STPG1: variants seen among roughly 807,000 people sequenced by gnomAD.
The protein encoded by STPG1 is O(6)-methylguanine-induced apoptosis 2.
In STPG1, 33 loss-of-function variants were observed where a neutral mutation model predicts 40.1. The observed-to-expected ratio is 0.82, with a 90% confidence interval of 0.62 to 1.10. The LOEUF (loss-of-function observed/expected upper bound fraction) is 1.10. Ranked by LOEUF, STPG1 falls within the 50% of genes least tolerant of loss-of-function variation. The pLI, the probability that STPG1 is intolerant of heterozygous loss-of-function variation, is 0.00. For synonymous variants in STPG1, 150 were observed against 155.0 expected, an observed-to-expected ratio of 0.97 and a Z score of 0.24; for missense variants, 396 against 415.1, an observed-to-expected ratio of 0.95 and a Z score of 0.40.
intron 4 of STPG1, among the ~76,000 whole-genome samples, chr1:24,382,752 A>G (rs1642343365): frequency 6.6e-6 from 1 of 152,116 alleles, no homozygotes; most frequent in Non-Finnish European, 1.5e-5. Context: ...ATGTAGCTAC[A>G]TTTAGTGTGT....
intron 2 of STPG1, among the ~76,000 whole-genome samples, chr1:24,398,946 G>A (rs1445513611): frequency 6.6e-6 from 1 of 152,060 alleles, no homozygotes; most frequent in Non-Finnish European, 1.5e-5. Flanking sequence ...AAATTAAAAT[G>A]AGAGTAGAGT....
At chr1:24,406,561 T>C (rs182067514) in intron 1 of STPG1, among the ~76,000 whole-genome samples, 137 of 152,290 alleles carry the variant, frequency 9.0e-4, no homozygotes, top group African/African-American at 3.2e-3. Flanking sequence ...CTTCTGATAA[T>C]GCATTCTCTA....
chr1:24,391,883 C>G (rs773073076), intron 2 of STPG1: 20 of 1,310,140 alleles, frequency 1.5e-5, no homozygotes, highest in Non-Finnish European at 1.8e-5. Flanking sequence ...GACTTCCCCC[C>G]TCCAGCTCTT....
Position 24,391,597 on chromosome 1 carries a change from T to C in STPG1, c.153A>G (p.Gly51=). ...ASVIPESEKK[G]FNSQAKRFPH... ...GAAATCTCTTGGCTTGACTATTGAA[T>C]CCTTTTTTTTCTGATTCTGGGATTA... The change falls in exon 3 of 9, where the codon GGA becomes GGG. Residue 51 remains glycine (G), a synonymous_variant. Transcript: ENST00000337248. The C allele has an allele frequency of 6.5e-7, 1 of 1,547,500 alleles. No individual in the cohort carries two copies. The highest frequency in any genetic ancestry group is 1.2e-5 in the South Asian group (1 of 84,002).
intron 4 of STPG1, among the ~76,000 whole-genome samples, chr1:24,380,953 T>C (rs1284576962): frequency 6.6e-6 from 1 of 152,236 alleles, no homozygotes; most frequent in Non-Finnish European, 1.5e-5. Context: ...CACCCCAGCT[T>C]TGAACGTGCT....
intron 2 of STPG1, among the ~76,000 whole-genome samples, chr1:24,398,048 C>A (rs11589592): frequency 6.6e-6 from 1 of 152,096 alleles, no homozygotes; most frequent in South Asian, 2.1e-4. Context: ...CACATCCCCA[C>A]TATTAGCGTA....
chr1:24,401,514 A>G (rs1282153461), intron 1 of STPG1, 58 bp from the exon 2 acceptor site: 2 of 787,142 alleles, frequency 2.5e-6, no homozygotes, highest in Non-Finnish European at 4.3e-6. Context: ...AATTATTGCA[A>G]ATGGGTTCTG....
intron 4 of STPG1, 68 bp downstream of exon 4, chr1:24,383,834 A>G: frequency 9.9e-7 from 1 of 1,007,050 alleles, no homozygotes; most frequent in Non-Finnish European, 1.6e-6. Flanking sequence ...TGTCCAATAT[A>G]TAATTATGCA....
intron 5 of STPG1, among the ~76,000 whole-genome samples, chr1:24,378,923 C>A (rs1039744872): frequency 2.0e-5 from 3 of 152,148 alleles, no homozygotes; most frequent in African/African-American, 7.2e-5. Context: ...TAAGTAAATA[C>A]CCTTCATGTA....
chr1:24,369,380 C>T (rs759879130), intron 7 of STPG1: 6 of 544,046 alleles, frequency 1.1e-5, no homozygotes, highest in African/African-American at 3.8e-5. Flanking sequence ...GCAAATGTCC[C>T]GCCAAATCCG....
Position 24,360,950 on chromosome 1 carries a change from A to G in STPG1, c.829T>C (p.Tyr277His). ...PGPGQYEIVD[Y>H]LGPRKHFISS... Reference sequence around the variant, plus strand: ...ATGAAATGCTTGCGGGGGCCTAAGTAGTCCACGATCTCATACTGACCAGGA... The same window carrying G: ...ATGAAATGCTTGCGGGGGCCTAAGTGGTCCACGATCTCATACTGACCAGGA... The change falls in exon 8 of 9, where the codon TAC becomes CAC. Residue 277 changes from tyrosine (Y) to histidine (H), a missense_variant. Coordinates refer to ENST00000337248, the MANE Select transcript of STPG1 (RefSeq NM_001199013.2). 2 of 1,614,098 alleles carry G rather than the reference A, an allele frequency of 1.2e-6. No homozygotes were observed. Among genetic ancestry groups the G allele is most frequent in the Non-Finnish European group, 1.7e-6 (2 of 1,179,998 alleles).
At chr1:24,394,294 G>A (rs1446720352) in intron 2 of STPG1, among the ~76,000 whole-genome samples, 1 of 152,180 alleles carries the variant, frequency 6.6e-6, no homozygotes, top group Non-Finnish European at 1.5e-5. Flanking sequence ...TACTGCTCTG[G>A]TTCCAGCTAA....
At position 24,384,015 on chromosome 1, in the gene STPG1, G is replaced by C. The variant is rs771170905; in HGVS notation, c.190-12C>G. ...CCTGGGATATCATTCTGAAAGGGAA[G>C]AGAAGGTGGTGTCATCGAGATACTT... On this transcript the variant is annotated splice_polypyrimidine_tract_variant and intron_variant, in intron 3 of 8. Coordinates refer to ENST00000337248, the MANE Select transcript of STPG1 (RefSeq NM_001199013.2). 2 of 1,541,988 alleles carry C rather than the reference G, an allele frequency of 1.3e-6. No individual in the cohort carries two copies. The highest frequency in any genetic ancestry group is 2.7e-5 in the African/African-American group (2 of 73,462).
Position 24,413,750 on chromosome 1 carries a change from G to A in STPG1, c.-145C>T, listed in dbSNP as rs973223891. Reference sequence around the variant, plus strand: ...TGGCACCCACAGGCCTAACATTCGCGAGTCCACCTTCCGCCGTCCGCGAGG... The same window carrying A: ...TGGCACCCACAGGCCTAACATTCGCAAGTCCACCTTCCGCCGTCCGCGAGG... On this transcript the variant is annotated 5_prime_UTR_variant, in exon 1 of 9. Transcript: ENST00000337248. The A allele has an allele frequency of 1.3e-5, 2 of 152,282 alleles. No individual in the cohort carries two copies. The highest frequency in any genetic ancestry group is 6.5e-5 in the Admixed American group (1 of 15,292). The allele number at this position is 152,282 out of a possible 1,614,324, so 9.4% of individuals were successfully genotyped here. A position where few individuals can be genotyped will look rare whatever the true frequency, so the allele number is the denominator to read the frequency against.
chr1:24,387,613 T>G (rs1332152847), intron 3 of STPG1, among the ~76,000 whole-genome samples: 2 of 152,172 alleles, frequency 1.3e-5, no homozygotes, highest in Non-Finnish European at 2.9e-5. Flanking sequence ...CTCAGGATCA[T>G]TATCTGAAAA....
intron 1 of STPG1, among the ~76,000 whole-genome samples, chr1:24,407,439 A>G (rs1223698782): frequency 7.2e-6 from 1 of 138,462 alleles, no homozygotes; most frequent in Admixed American, 7.6e-5. Flanking sequence ...CTTCAAGTTC[A>G]CTGATTTTTT....
chr1:24,380,347 T>C (rs1642228162), intron 4 of STPG1, among the ~76,000 whole-genome samples: 1 of 152,176 alleles, frequency 6.6e-6, no homozygotes, highest in Admixed American at 6.5e-5. Context: ...CCTACAGTAT[T>C]TTCACGGTTT....
At chr1:24,389,648 T>G (rs1386997687) in intron 3 of STPG1, among the ~76,000 whole-genome samples, 1 of 152,166 alleles carries the variant, frequency 6.6e-6, no homozygotes, top group Non-Finnish European at 1.5e-5. Context: ...AGTCTAAAAG[T>G]ACACATAGTA....
intron 1 of STPG1, among the ~76,000 whole-genome samples, chr1:24,409,976 G>C (rs1188532004): frequency 6.6e-6 from 1 of 152,188 alleles, no homozygotes; most frequent in Non-Finnish European, 1.5e-5. Context: ...AGGTTGCTAA[G>C]ATCTACAGTA....
Sources: allele counts gnomAD v4.1 joint callset (sites outside exome capture counted in the v4.1 genomes callset), GRCh38; gene constraint gnomAD v4.1.1; transcripts MANE v1.5; gene names NCBI Gene and HGNC (gene_info 2026-07-23, HGNC 2026-07-21).